Variants in SRI observed in about 807,000 individuals in gnomAD.
SRI encodes sorcin.
In SRI, 30 loss-of-function variants were observed where a neutral mutation model predicts 33.3. That is an observed-to-expected ratio of 0.90 (90% CI 0.67 to 1.22). The LOEUF is 1.22. Ranked by LOEUF, SRI falls within the 50% of genes most tolerant of loss-of-function variation. The pLI is 0.00. For synonymous variants in SRI, 75 were observed against 89.9 expected, an observed-to-expected ratio of 0.83 and a Z score of 0.94; for missense variants, 243 against 250.8, an observed-to-expected ratio of 0.97 and a Z score of 0.21.
In SRI at chr7:88,209,382, G is replaced by T. The variant is rs539679263; in HGVS notation, c.468C>A (p.Phe156Leu). Residue 156 changes from phenylalanine (F) to leucine (L), a missense_variant, in exon 6 of 8, where the codon TTC (phenylalanine) becomes TTA (leucine). Phe to Leu is a conservative substitution (Grantham distance 22). Coordinates refer to ENST00000265729, the MANE Select transcript of SRI (RefSeq NM_003130.4). Reference protein sequence around the residue: ...KRYSTNGKITFDDYIACCVKL... With the variant: ...KRYSTNGKITLDDYIACCVKL... ...TGACGCAGCAGGCGATGTAGTCGTC[G>T]AAGGTGATCTTTCCATTGGTGCTGT... 6.2e-7 allele frequency: 1 copy of T among 1,614,088 alleles called. No individual in the cohort carries two copies. The highest frequency in any genetic ancestry group is 1.1e-5 in the South Asian group (1 of 91,086).
chr7:88,220,084 C>G, upstream of SRI: 1 of 1,459,246 alleles, frequency 6.9e-7, no homozygotes, highest in South Asian at 1.3e-5. Context: ...CCGCCCCCTG[C>G]CCCGCCCCGC....
upstream of SRI, chr7:88,220,110 C>T: frequency 1.4e-6 from 2 of 1,423,292 alleles, no homozygotes; most frequent in South Asian, 1.5e-5. Flanking sequence ...CGCTAGGGGG[C>T]CGCCCCAGAG....
chr7:88,226,131 C>A (rs548977738), intron 1 of SRI, among the ~76,000 whole-genome samples: 1 of 152,278 alleles, frequency 6.6e-6, no homozygotes, highest in East Asian at 1.9e-4. Context: ...TAGGATGACT[C>A]TTCCTAAGAA....
At chr7:88,220,094 C>T, upstream of SRI, 1 of 1,450,450 alleles carries the variant, frequency 6.9e-7, no homozygotes, top group South Asian at 1.4e-5. Flanking sequence ...CCCCGCCCCG[C>T]CCTGCCGCTA....
chr7:88,213,109 T>G (rs185503798), intron 3 of SRI, among the ~76,000 whole-genome samples: 1 of 152,156 alleles, frequency 6.6e-6, no homozygotes, highest in Non-Finnish European at 1.5e-5. Context: ...AGCTGTAGAG[T>G]CCATTTCCAG....
rs767393909 is a variant in SRI at position 88,206,467 on chromosome 7, T to A, written c.*11A>T. 1 of 1,613,916 alleles carries A rather than the reference T, an allele frequency of 6.2e-7. No individual in the cohort carries two copies. Among genetic ancestry groups the A allele is most frequent in the South Asian group, 1.1e-5 (1 of 91,082 alleles). On this transcript the variant is annotated 3_prime_UTR_variant, in exon 8 of 8. Coordinates refer to ENST00000265729, the MANE Select transcript of SRI (RefSeq NM_003130.4). ...GGAATGTTGATTACATTCATGCAGC[T>A]TCCTCTTGATTTAAACACTCATGAC... is the stretch of plus-strand genomic sequence containing the variant.
chr7:88,219,195 A>T (rs1851815507), intron 1 of SRI: 2 of 486,986 alleles, frequency 4.1e-6, no homozygotes, highest in East Asian at 3.9e-5. Flanking sequence ...AGCAACTTTT[A>T]AAATCCCTAT....
intron 1 of SRI, among the ~76,000 whole-genome samples, chr7:88,226,746 T>C (rs1328451559): frequency 6.6e-6 from 1 of 152,202 alleles, no homozygotes; most frequent in Non-Finnish European, 1.5e-5. Flanking sequence ...GGGAAATCAG[T>C]GGCAAAGCTG....
upstream of SRI, chr7:88,220,170 G>T: frequency 7.6e-7 from 1 of 1,319,416 alleles, no homozygotes; most frequent in Non-Finnish European, 9.6e-7. Flanking sequence ...TCCAGCTCTT[G>T]CCTGTGCGCG....
intron 2 of SRI, 118 bp from the exon 3 acceptor site, chr7:88,217,309 G>T: frequency 1.2e-6 from 1 of 864,580 alleles, no homozygotes; most frequent in Non-Finnish European, 1.8e-6. Flanking sequence ...TTATTTAAAA[G>T]GAATGCCTTT....
At position 88,210,960 on chromosome 7, in the gene SRI, C is replaced by T. The variant is rs367740879; in HGVS notation, c.206-35G>A. 4 of 1,572,424 alleles carry T rather than the reference C, an allele frequency of 2.5e-6. No homozygotes were observed. The South Asian group carries it at 4.5e-5, about 18-fold the overall frequency. On this transcript the variant is annotated intron_variant, in intron 3 of 7. Coordinates refer to ENST00000265729, the MANE Select transcript of SRI (RefSeq NM_003130.4). Reference sequence around the variant, plus strand: ...CAAGAAAAGTACATACATATTAACACAAATCCAAAAATTCACATTACACTG... The same window carrying T: ...CAAGAAAAGTACATACATATTAACATAAATCCAAAAATTCACATTACACTG...
rs1851564946 is a variant in SRI at position 88,211,014 on chromosome 7, T to A, written c.206-89A>T. The A allele has an allele frequency of 1.7e-5, 17 of 1,020,854 alleles. No homozygotes were observed. The South Asian group carries it at 2.4e-4, about 14-fold the overall frequency. The allele number at this position is 1,020,854 out of a possible 1,614,324, so 63.2% of individuals were successfully genotyped here. On this transcript the variant is annotated intron_variant, in intron 3 of 7. Coordinates refer to ENST00000265729, the MANE Select transcript of SRI (RefSeq NM_003130.4). ...ACATTCAAATTAATTAGAAATATGA[T>A]TATTATACACTTTTATTTTTATATG... is the stretch of plus-strand genomic sequence containing the variant.
intron 5 of SRI, 87 bp downstream of exon 5, chr7:88,209,896 G>C: frequency 6.4e-7 from 1 of 1,559,476 alleles, no homozygotes; most frequent in Middle Eastern, 1.7e-4. Flanking sequence ...GATTACAGGT[G>C]TGAGCCACTG....
upstream of SRI, among the ~76,000 whole-genome samples, chr7:88,222,359 G>A (rs1334495208): frequency 1.4e-5 from 2 of 143,980 alleles, no homozygotes; most frequent in Non-Finnish European, 3.0e-5. Context: ...GTTGTTTCCT[G>A]ACTTTTTAAT....
rs986767999 is a variant in SRI, at chr7:88,225,847, C to A, written c.6+1062G>T. On this transcript the variant is annotated intron_variant, in intron 1 of 7. Coordinates refer to the SRI transcript ENST00000394641. ...TACATCTAGGTAATGCTATTACTAT[C>A]AATGATAAGAGTTCATTTTAGTGCA... 3.3e-5 allele frequency among the ~76,000 whole-genome samples: 5 copies of A among 152,088 alleles called. No individual in the cohort carries two copies. In the South Asian group the frequency reaches 6.2e-4, roughly 19 times the overall value.
Position 88,208,589 on chromosome 7 carries a change from T to C in SRI, c.512-24A>G, listed in dbSNP as rs372203680. 5 of 1,613,320 alleles carry C rather than the reference T, an allele frequency of 3.1e-6. No homozygotes were observed. In the African/African-American group the frequency reaches 6.7e-5, roughly 22 times the overall value. The stretch of plus-strand genomic sequence containing the variant: ...GTCTGTAAAACAACACAGTAAAATT[T>C]ATGGTTTTTCTTTAAATGGTTTTTC... On this transcript the variant is annotated intron_variant, in intron 6 of 7. Coordinates refer to ENST00000265729, the MANE Select transcript of SRI (RefSeq NM_003130.4).
At position 88,219,891 on chromosome 7, in the gene SRI, C is replaced by T. The variant is rs1025408242; in HGVS notation, c.51+85G>A. 3 of 1,477,650 alleles carry T rather than the reference C, an allele frequency of 2.0e-6. No homozygotes were observed. In the African/African-American group the frequency reaches 4.3e-5, roughly 21 times the overall value. 91.5% of individuals were successfully genotyped at this position (1,477,650 alleles called of 1,614,324 possible). ...CCCGGGTAGCCGCCCAGCAGCGCCT[C>T]ACCCCGCTGGCCGCAGCATCTCCAA... On this transcript the variant is annotated intron_variant, in intron 1 of 7. Coordinates refer to ENST00000265729, the MANE Select transcript of SRI (RefSeq NM_003130.4).
chr7:88,209,997 G>A lies in SRI; in HGVS notation c.383C>T (p.Ala128Val), dbSNP rs1488562563. ...GCCATACCTACCCATTGTTGTCAGG[G>A]CCTTCTGCAATTCTTGTGGGTCTAC... The part of the protein sequence containing the change: ...GTVDPQELQK[A>V]LTTMGFRLSP... The change falls in exon 5 of 8, where the codon GCC becomes GTC. Residue 128 changes from alanine (A) to valine (V), a missense_variant. Coordinates refer to ENST00000265729, the MANE Select transcript of SRI (RefSeq NM_003130.4). The A allele has an allele frequency of 3.1e-6, 5 of 1,614,098 alleles. No homozygotes were observed. The highest frequency in any genetic ancestry group is 1.7e-6 in the Non-Finnish European group (2 of 1,180,012).
chr7:88,209,489 T>C (rs1851517661), intron 5 of SRI, 37 bp from the exon 6 acceptor site: 2 of 1,471,082 alleles, frequency 1.4e-6, no homozygotes, highest in South Asian at 1.1e-5. Flanking sequence ...GGTTAAAGGA[T>C]TGCAGAAGCT....
Sources: gnomAD v4.1 joint callset for allele counts (sites outside exome capture counted in the v4.1 genomes callset) on GRCh38, gnomAD v4.1.1 for gene constraint, MANE v1.5 for transcripts, NCBI Gene and HGNC (gene_info 2026-07-23, HGNC 2026-07-21) for gene names.